CACNA1A: variants seen among roughly 807,000 people sequenced by gnomAD.
CACNA1A encodes voltage-dependent P/Q-type calcium channel subunit alpha-1A.
Under a neutral mutation model 262.4 loss-of-function variants are expected in CACNA1A, and 57 were observed. The observed-to-expected ratio is 0.22, with a 90% CI of 0.18 to 0.27. The LOEUF is 0.27. Among genes scored for constraint, CACNA1A ranks in the 10% least tolerant of loss-of-function variants. The pLI, the probability that CACNA1A is intolerant of heterozygous loss-of-function variation, is 1.00. For synonymous variants in CACNA1A, 1,431 were observed against 1,419.3 expected, an observed-to-expected ratio of 1.01 and a Z score of -0.18; for missense variants, 2,526 against 3,562.8, an observed-to-expected ratio of 0.71 and a Z score of 7.41.
At chr19:13,223,109 C>T (rs1349071388) in intron 38 of CACNA1A, among the ~76,000 whole-genome samples, 2 of 152,182 alleles carry the variant, frequency 1.3e-5, no homozygotes, top group African/African-American at 2.4e-5. Flanking sequence ...ACTGCAGCCT[C>T]AAACTCCTGG....
At position 13,506,296 on chromosome 19, in the gene CACNA1A, G is replaced by C. The variant is rs1024690714; in HGVS notation, c.-72C>G. ...GGAAGACGCCGCCGCCGCCGCCGCC[G>C]CCGCTGATGCTGAGGCTGCCGGGGC... On this transcript the variant is annotated 5_prime_UTR_variant, in exon 1 of 47. Transcript: ENST00000360228. The C allele has an allele frequency of 3.8e-6, 5 of 1,318,134 alleles. No individual in the cohort carries two copies. In the African/African-American group the frequency reaches 7.8e-5, roughly 21 times the overall value. 81.7% of individuals were successfully genotyped at this position (1,318,134 alleles called of 1,614,324 possible). A position where few individuals can be genotyped will look rare whatever the true frequency, so the allele number is the denominator to read the frequency against.
At chr19:13,440,218 C>T (rs551271631) in intron 3 of CACNA1A, among the ~76,000 whole-genome samples, 3 of 152,342 alleles carry the variant, frequency 2.0e-5, no homozygotes, top group East Asian at 1.9e-4. Flanking sequence ...CCTGCCTTGG[C>T]GTCCCAAAGT....
At chr19:13,503,848 T>G (rs922420040) in intron 1 of CACNA1A, among the ~76,000 whole-genome samples, 3 of 152,090 alleles carry the variant, frequency 2.0e-5, no homozygotes, top group African/African-American at 7.2e-5. Context: ...CCGGGCGAGC[T>G]GGCCAGAGAA....
intron 3 of CACNA1A, among the ~76,000 whole-genome samples, chr19:13,402,877 T>C (rs77101100): frequency 0.16 from 7,012 of 45,192 alleles, 147 homozygotes; most frequent in African/African-American, 0.33. Flanking sequence ...CACACACATA[T>C]ATATATATAT....
intron 12 of CACNA1A, among the ~76,000 whole-genome samples, chr19:13,309,747 T>C (rs1450368043): frequency 2.0e-5 from 3 of 151,990 alleles, no homozygotes; most frequent in Non-Finnish European, 4.4e-5. Context: ...ACCCTGGAAG[T>C]TTCCAGAGAC....
Position 13,255,955 on chromosome 19 carries a change from C to T in CACNA1A, c.4591-696G>A, listed in dbSNP as rs548423610. Reference sequence around the variant, plus strand: ...CCTTCCCTCCCTCCTTTCTTTCTCTCTCTCATTTCCTTCCTTCCCTCCCTC... The same window carrying T: ...CCTTCCCTCCCTCCTTTCTTTCTCTTTCTCATTTCCTTCCTTCCCTCCCTC... On this transcript the variant is annotated intron_variant, in intron 28 of 46. Transcript: ENST00000360228. Among the ~76,000 whole-genome samples the T allele has an allele frequency of 1.1e-4, 14 of 128,922 alleles. No homozygotes were observed. In the East Asian group the frequency reaches 3.2e-3, roughly 29 times the overall value. The allele number at this position is 128,922 out of a possible 152,430, so 84.6% of individuals were successfully genotyped here.
chr19:13,208,710 G>A (rs749429850), intron 46 of CACNA1A, 46 bp downstream of exon 46: 15 of 1,520,986 alleles, frequency 9.9e-6, no homozygotes, highest in African/African-American at 2.7e-5. Context: ...TCTCCTCCCC[G>A]CCTCCCGGCC....
intron 24 of CACNA1A, 62 bp downstream of exon 24, chr19:13,275,788 G>T: frequency 1.8e-6 from 2 of 1,120,716 alleles, no homozygotes; most frequent in Non-Finnish European, 2.7e-6. Context: ...GTAATCCGAT[G>T]TGTGGCCCAG....
chr19:13,327,186 T>C (rs1038948195), intron 10 of CACNA1A, among the ~76,000 whole-genome samples: 2 of 152,142 alleles, frequency 1.3e-5, no homozygotes, highest in African/African-American at 4.8e-5. Flanking sequence ...CAGCCTGTAT[T>C]GTTGCATTCT....
rs142310077 is a variant in CACNA1A, at chr19:13,348,064, G to T, written c.978+11542C>A. On this transcript the variant is annotated intron_variant, in intron 6 of 46. Transcript: ENST00000360228. ...GCCTCCCGAGTAGCTGGGACTACAG[G>T]TACACACCACCATGCCCAGCTAATT... is the stretch of plus-strand genomic sequence containing the variant. Among the ~76,000 whole-genome samples, 619 of 152,088 alleles carry T rather than the reference G, an allele frequency of 4.1e-3. 3 individuals are homozygous for T. Among genetic ancestry groups the T allele is most frequent in the African/African-American group, 0.014 (584 of 41,476 alleles).
At chr19:13,237,820 G>A (rs923180394) in intron 31 of CACNA1A, among the ~76,000 whole-genome samples, 5 of 152,208 alleles carry the variant, frequency 3.3e-5, no homozygotes, top group Non-Finnish European at 7.3e-5. Context: ...TGGGGCCGAT[G>A]GCTCAGGTAT....
rs61178346 is a variant in CACNA1A, at chr19:13,212,827, T to TACACACACACACAC, written c.5941-101_5941-88dup. ...AGAAGGCATTGCGACATCCCCAGTA[T>TACACACACACACAC]ACACACACACACACACACACACTCT... On this transcript the variant is annotated intron_variant, in intron 40 of 46. Transcript: ENST00000360228. The surrounding 1 kb of genome is among the most constrained non-coding windows in gnomAD (Gnocchi z 5.6). 122 of 518,410 alleles carry TACACACACACACAC rather than the reference T, an allele frequency of 2.4e-4. 1 individual carries two copies. Among genetic ancestry groups the TACACACACACACAC allele is most frequent in the African/African-American group, 7.0e-4 (35 of 50,070 alleles). 32.1% of individuals were successfully genotyped at this position (518,410 alleles called of 1,614,324 possible).
intron 43 of CACNA1A, chr19:13,211,573 C>A (rs2054811136): frequency 6.4e-6 from 1 of 156,022 alleles, no homozygotes; most frequent in South Asian, 2.0e-4. Context: ...TGCCAAGTTC[C>A]CATATGCAGA....
chr19:13,327,869 G>A (rs1445688703), intron 10 of CACNA1A, among the ~76,000 whole-genome samples: 1 of 151,570 alleles, frequency 6.6e-6, no homozygotes, highest in Non-Finnish European at 1.5e-5. Flanking sequence ...CACCGCGCCC[G>A]GCCAGCAAAG....
intron 1 of CACNA1A, among the ~76,000 whole-genome samples, chr19:13,487,411 G>A (rs561548494): frequency 1.3e-5 from 2 of 152,218 alleles, no homozygotes; most frequent in South Asian, 4.2e-4. Flanking sequence ...GTCAGCCAGG[G>A]AAGGCGAGTT....
chr19:13,280,498 G>A (rs2057264517), intron 22 of CACNA1A, among the ~76,000 whole-genome samples: 1 of 151,896 alleles, frequency 6.6e-6, no homozygotes, highest in Non-Finnish European at 1.5e-5. Flanking sequence ...TGGCCTCCTG[G>A]AGAAATTACT....
intron 28 of CACNA1A, among the ~76,000 whole-genome samples, chr19:13,255,887 C>T (rs566067630): frequency 1.0e-4 from 15 of 143,418 alleles, no homozygotes; most frequent in African/African-American, 2.2e-4. Flanking sequence ...TTCTTTCCTT[C>T]GCTCCCTTTC....
chr19:13,261,311 C>G (rs896932713), intron 26 of CACNA1A, 139 bp downstream of exon 26: 7 of 688,478 alleles, frequency 1.0e-5, no homozygotes, highest in Non-Finnish European at 1.4e-5. Flanking sequence ...TACCCAAGAT[C>G]CAAGCTGGTT....
chr19:13,483,856 G>T (rs1420445046), intron 1 of CACNA1A, among the ~76,000 whole-genome samples: 1 of 152,160 alleles, frequency 6.6e-6, no homozygotes, highest in Non-Finnish European at 1.5e-5. Flanking sequence ...GGAACTAAGG[G>T]ATTCACATAG....
Sources: gnomAD v4.1 joint callset for allele counts (sites outside exome capture counted in the v4.1 genomes callset) on GRCh38, gnomAD v4.1.1 for gene constraint, Gnocchi (gnomAD v3.1) non-coding constraint, MANE v1.5 for transcripts, NCBI Gene and HGNC (gene_info 2026-07-23, HGNC 2026-07-21) for gene names.